The following SORCS3 variants were observed in gnomAD, a reference collection of about 807,000 sequenced individuals.
The protein encoded by SORCS3 is VPS10 domain-containing receptor SorCS3.
In SORCS3, 57 loss-of-function variants were observed where a neutral mutation model predicts 146.3. The ratio of observed to expected loss-of-function variants is 0.39; its 90% confidence interval spans 0.31 to 0.49. The LOEUF (loss-of-function observed/expected upper bound fraction) is 0.49, where lower values mean the gene tolerates loss of function less well. SORCS3 is among the 20% of genes least tolerant of loss of function. SORCS3 has a pLI of 0.92. For missense variants in SORCS3, 1,341 were observed against 1,575.5 expected (o/e 0.85, Z 2.52); for synonymous variants, 653 against 618.5 (o/e 1.06, Z -0.83).
At chr10:105,084,632 A>T (rs2055646720) in intron 5 of SORCS3, among the ~76,000 whole-genome samples, 1 of 152,150 alleles carries the variant, frequency 6.6e-6, no homozygotes, top group Non-Finnish European at 1.5e-5. Context: ...TAGGTGAGGA[A>T]GTGCAGTTCT....
chr10:105,229,480 C>T (rs1429997514), intron 20 of SORCS3, among the ~76,000 whole-genome samples: 4 of 152,136 alleles, frequency 2.6e-5, no homozygotes, highest in African/African-American at 9.7e-5. Flanking sequence ...ATGGTTACTT[C>T]TTCCAGTTTT....
At chr10:105,052,766 G>A (rs915428206) in intron 5 of SORCS3, among the ~76,000 whole-genome samples, 1 of 152,012 alleles carries the variant, frequency 6.6e-6, no homozygotes, top group Non-Finnish European at 1.5e-5. Flanking sequence ...TGTTGAGCTC[G>A]GCGCCCAAGG....
intron 5 of SORCS3, among the ~76,000 whole-genome samples, chr10:105,052,030 G>A (rs910921813): frequency 1.3e-5 from 2 of 152,116 alleles, no homozygotes; most frequent in African/African-American, 2.4e-5. Context: ...TATGGTGCAC[G>A]TGGTAGTTAG....
At chr10:104,919,148 C>G (rs1432697682) in intron 3 of SORCS3, among the ~76,000 whole-genome samples, 1 of 152,084 alleles carries the variant, frequency 6.6e-6, no homozygotes. Context: ...TTTATCCTTC[C>G]TCATGGTGAC....
At chr10:105,131,382 A>G (rs1038070126) in intron 7 of SORCS3, among the ~76,000 whole-genome samples, 8 of 152,154 alleles carry the variant, frequency 5.3e-5, no homozygotes, top group Non-Finnish European at 1.2e-4. Context: ...AATATTCGAT[A>G]CAGCACAATC....
intron 1 of SORCS3, among the ~76,000 whole-genome samples, chr10:104,825,540 C>T (rs556251622): frequency 2.6e-5 from 4 of 152,252 alleles, no homozygotes; most frequent in South Asian, 2.1e-4. Flanking sequence ...AGCTCACATC[C>T]GTTTCTGCCC....
At chr10:104,912,905 G>A (rs1411510828) in intron 2 of SORCS3, among the ~76,000 whole-genome samples, 1 of 152,192 alleles carries the variant, frequency 6.6e-6, no homozygotes, top group Admixed American at 6.5e-5. Flanking sequence ...AAAGGGTGAT[G>A]TTGGAATTAG....
In SORCS3 at chr10:105,116,280, A is replaced by C. The variant is rs2055892989; in HGVS notation, c.1212+10765A>C. ...CCTGCTATCACCTTGCCTCACCTGC[A>C]CTGTGGATCCCCTGTTCCAGGGCTG... On this transcript the variant is annotated intron_variant, in intron 7 of 26. Coordinates refer to ENST00000369701, the MANE Select transcript of SORCS3 (RefSeq NM_014978.3). Among the ~76,000 whole-genome samples the C allele has an allele frequency of 2.0e-5, 3 of 152,160 alleles. No homozygotes were observed. The South Asian group carries it at 6.2e-4, about 32-fold the overall frequency.
chr10:104,994,757 G>C (rs1280263942), intron 4 of SORCS3, among the ~76,000 whole-genome samples: 1 of 152,126 alleles, frequency 6.6e-6, no homozygotes, highest in African/African-American at 2.4e-5. Context: ...TTTTGTGATT[G>C]ATTTATGTTG....
chr10:104,918,744 G>C (rs988795780), intron 3 of SORCS3, among the ~76,000 whole-genome samples: 1 of 152,174 alleles, frequency 6.6e-6, no homozygotes, highest in African/African-American at 2.4e-5. Context: ...TTTGGGCGAA[G>C]CAAGAACTGG....
intron 4 of SORCS3, among the ~76,000 whole-genome samples, chr10:104,985,896 G>A (rs2054959439): frequency 2.0e-5 from 3 of 152,168 alleles, no homozygotes; most frequent in African/African-American, 7.2e-5. Flanking sequence ...TGCAGGCTTT[G>A]CTGGTCCATT....
intron 1 of SORCS3, among the ~76,000 whole-genome samples, chr10:104,792,462 G>A (rs1334233172): frequency 6.6e-6 from 1 of 152,188 alleles, no homozygotes; most frequent in Non-Finnish European, 1.5e-5. Context: ...CACTAGCTAA[G>A]CATGTTAATG....
At chr10:105,035,460 C>T (rs1457620573) in intron 4 of SORCS3, among the ~76,000 whole-genome samples, 2 of 140,076 alleles carry the variant, frequency 1.4e-5, no homozygotes, top group African/African-American at 6.1e-5. Context: ...GCCCTTCTCA[C>T]CAAGTTTTTT....
At chr10:105,151,429 C>A (rs1175652832) in intron 9 of SORCS3, among the ~76,000 whole-genome samples, 5 of 152,110 alleles carry the variant, frequency 3.3e-5, no homozygotes, top group Admixed American at 3.3e-4. Flanking sequence ...GTGATGTAGT[C>A]CCTTGTGCCA....
intron 1 of SORCS3, among the ~76,000 whole-genome samples, chr10:104,818,462 A>G (rs2017833408): frequency 1.4e-5 from 2 of 144,200 alleles, no homozygotes; most frequent in Non-Finnish European, 3.0e-5. Context: ...AGAGGTGGGG[A>G]GGGCCCAAGG....
chr10:104,643,820 G>A (rs2015459585), intron 1 of SORCS3, among the ~76,000 whole-genome samples: 1 of 151,788 alleles, frequency 6.6e-6, no homozygotes, highest in African/African-American at 2.4e-5. Context: ...AGGAAGAGGA[G>A]GATGCAATGT....
At chr10:105,251,242 C>T (rs2056896237) in intron 22 of SORCS3, among the ~76,000 whole-genome samples, 1 of 152,140 alleles carries the variant, frequency 6.6e-6, no homozygotes, top group South Asian at 2.1e-4. Flanking sequence ...AGAAGAGTGG[C>T]AGAGCGAAGG....
At chr10:104,887,235 G>A (rs1453381613) in intron 2 of SORCS3, among the ~76,000 whole-genome samples, 1 of 152,176 alleles carries the variant, frequency 6.6e-6, no homozygotes, top group East Asian at 1.9e-4. Flanking sequence ...GACTGCAGTG[G>A]TTGGGAAGAC....
At chr10:105,237,490 A>G (rs1477878130) in intron 20 of SORCS3, among the ~76,000 whole-genome samples, 3 of 152,198 alleles carry the variant, frequency 2.0e-5, no homozygotes, top group African/African-American at 7.2e-5. Flanking sequence ...TCCACAGATT[A>G]CAGTTTAATT....
Sources: gnomAD v4.1 joint callset for allele counts (sites outside exome capture counted in the v4.1 genomes callset) on GRCh38, gnomAD v4.1.1 for gene constraint, MANE v1.5 for transcripts, NCBI Gene and HGNC (gene_info 2026-07-23, HGNC 2026-07-21) for gene names.